Variants in THRB observed in about 807,000 individuals in gnomAD.
THRB encodes thyroid hormone receptor beta.
In THRB, 12 loss-of-function variants were observed where a neutral mutation model predicts 47.8. The observed-to-expected ratio is 0.25, with a 90% confidence interval of 0.16 to 0.41. THRB has a LOEUF of 0.41. THRB is among the 10% of genes least tolerant of loss of function. THRB has a pLI of 1.00. For missense variants in THRB, 348 were observed against 589.2 expected (o/e 0.59, Z 4.24); for synonymous variants, 218 against 212.2 (o/e 1.03, Z -0.24).
intron 1 of THRB, among the ~76,000 whole-genome samples, chr3:24,489,673 TAA>T (rs1230575347): frequency 1.3e-5 from 2 of 152,192 alleles, no homozygotes; most frequent in African/African-American, 4.8e-5. Flanking sequence ...TGACAGTATA[TAA>T]AGACTTCAAA....
chr3:24,299,614 T>C lies in THRB; in HGVS notation c.-188-2243A>G, dbSNP rs1032498177. 2.0e-5 allele frequency among the ~76,000 whole-genome samples: 3 copies of C among 151,684 alleles called. No homozygotes were observed. The South Asian group carries it at 6.3e-4, about 32-fold the overall frequency. Reference sequence around the variant, plus strand: ...GTAACTGCATTTCCCCCACAATTTTTTAAAACAGTTTCTGTGGTCATAAAA... The same window carrying C: ...GTAACTGCATTTCCCCCACAATTTTCTAAAACAGTTTCTGTGGTCATAAAA... On this transcript the variant is annotated intron_variant, in intron 2 of 10. Coordinates refer to ENST00000646209, the MANE Select transcript of THRB (RefSeq NM_001354712.2).
chr3:24,141,534 T>C (rs1462752892), intron 8 of THRB, among the ~76,000 whole-genome samples: 3 of 152,236 alleles, frequency 2.0e-5, no homozygotes, highest in Non-Finnish European at 2.9e-5. Context: ...TTTGTTTATC[T>C]CTTATTATCT....
At chr3:24,345,332 TG>T (rs1275541003) in intron 1 of THRB, among the ~76,000 whole-genome samples, 2 of 152,060 alleles carry the variant, frequency 1.3e-5, no homozygotes, top group Non-Finnish European at 2.9e-5. Context: ...AAACAAAGCA[TG>T]GCAGGGAAAC....
chr3:24,286,242 G>A (rs2055283149), intron 3 of THRB, among the ~76,000 whole-genome samples: 1 of 152,180 alleles, frequency 6.6e-6, no homozygotes, highest in African/African-American at 2.4e-5. Context: ...CCTGAACTAT[G>A]ACATACCTCT....
chr3:24,492,991 G>C (rs759291460), intron 1 of THRB, among the ~76,000 whole-genome samples: 2 of 152,178 alleles, frequency 1.3e-5, no homozygotes, highest in Non-Finnish European at 2.9e-5. Flanking sequence ...TCTGAGATCA[G>C]GTAAAAATAG....
intron 1 of THRB, among the ~76,000 whole-genome samples, chr3:24,467,234 G>A (rs1383684013): frequency 2.6e-5 from 4 of 152,152 alleles, no homozygotes; most frequent in Non-Finnish European, 5.9e-5. Context: ...CACATATTCA[G>A]GCTCCACTTC....
chr3:24,365,848 T>C (rs1045580294), intron 1 of THRB, among the ~76,000 whole-genome samples: 9 of 152,164 alleles, frequency 5.9e-5, no homozygotes, highest in African/African-American at 2.2e-4. Flanking sequence ...GGAATACTAA[T>C]TCATTTAGAG....
intron 1 of THRB, among the ~76,000 whole-genome samples, chr3:24,393,939 T>C (rs1397408065): frequency 2.6e-5 from 4 of 152,158 alleles, no homozygotes; most frequent in Admixed American, 6.6e-5. Context: ...TCCTTTGGTA[T>C]TGAAAGGGAG....
chr3:24,231,765 C>T (rs1415009543), intron 3 of THRB, among the ~76,000 whole-genome samples: 1 of 152,224 alleles, frequency 6.6e-6, no homozygotes, highest in East Asian at 1.9e-4. Flanking sequence ...ATGCTCTGTA[C>T]TGAGGAGGGG....
At chr3:24,313,026 G>A (rs1054001808) in intron 2 of THRB, among the ~76,000 whole-genome samples, 8 of 152,158 alleles carry the variant, frequency 5.3e-5, no homozygotes, top group African/African-American at 1.7e-4. Flanking sequence ...GGCAGAATAG[G>A]TAGGAGTTGC....
At chr3:24,143,479 G>A (rs539779812) in intron 8 of THRB, 22 bp downstream of exon 8, 3 of 1,611,780 alleles carry the variant, frequency 1.9e-6, no homozygotes, top group South Asian at 2.2e-5. Context: ...AAGTGAAACT[G>A]ATCTGTGCAA....
At chr3:24,453,734 C>T (rs757637759) in intron 1 of THRB, among the ~76,000 whole-genome samples, 9 of 152,202 alleles carry the variant, frequency 5.9e-5, no homozygotes, top group South Asian at 2.1e-4. Context: ...GTATGTAAAC[C>T]GGCCCCTTCC....
chr3:24,140,292 T>C (rs946548677), intron 8 of THRB, among the ~76,000 whole-genome samples: 3 of 152,242 alleles, frequency 2.0e-5, no homozygotes, highest in African/African-American at 7.2e-5. Context: ...GGTTATTTAT[T>C]GCTGTATAAC....
intron 4 of THRB, among the ~76,000 whole-genome samples, chr3:24,199,591 T>A (rs1241366819): frequency 6.6e-6 from 1 of 152,222 alleles, no homozygotes; most frequent in Non-Finnish European, 1.5e-5. Context: ...GTATATTCCA[T>A]TAGGCAATCA....
intron 1 of THRB, chr3:24,455,414 T>C (rs2073076830): frequency 6.6e-6 from 1 of 152,190 alleles, no homozygotes; most frequent in Non-Finnish European, 1.5e-5. Flanking sequence ...TTGTGGGTCT[T>C]TGATTATCTC....
intron 2 of THRB, among the ~76,000 whole-genome samples, chr3:24,332,785 A>G (rs2062005737): frequency 6.6e-6 from 1 of 152,190 alleles, no homozygotes; most frequent in African/African-American, 2.4e-5. Context: ...GGCTGGGCGC[A>G]GTGGCTCACG....
intron 3 of THRB, among the ~76,000 whole-genome samples, chr3:24,281,588 T>G (rs2054615052): frequency 7.6e-6 from 1 of 131,488 alleles, no homozygotes; most frequent in African/African-American, 2.8e-5. Context: ...ATAACAATAT[T>G]AACTTTAAAT....
At chr3:24,191,033 C>G (rs1210138644) in intron 4 of THRB, among the ~76,000 whole-genome samples, 3 of 151,858 alleles carry the variant, frequency 2.0e-5, no homozygotes, top group Non-Finnish European at 4.4e-5. Context: ...GAATGATGAA[C>G]TTAAATTCTT....
chr3:24,304,341 A>C (rs1014061672), intron 2 of THRB, among the ~76,000 whole-genome samples: 2 of 152,168 alleles, frequency 1.3e-5, no homozygotes, highest in African/African-American at 4.8e-5. Flanking sequence ...ATATAATCTT[A>C]GATCGTAAGC....
Sources: gnomAD v4.1 joint callset for allele counts (sites outside exome capture counted in the v4.1 genomes callset) on GRCh38, gnomAD v4.1.1 for gene constraint, MANE v1.5 for transcripts, NCBI Gene and HGNC (gene_info 2026-07-23, HGNC 2026-07-21) for gene names.